Variants in CADM2 observed in about 807,000 individuals in gnomAD.
CADM2 encodes immunoglobulin superfamily member 4D.
CADM2 carries 12 observed loss-of-function variants against 49.8 expected under a neutral mutation model. The ratio of observed to expected loss-of-function variants is 0.24; its 90% CI spans 0.15 to 0.39. The LOEUF (loss-of-function observed/expected upper bound fraction) is 0.39, where lower values mean the gene tolerates loss of function less well. Ranked by LOEUF, CADM2 falls within the 10% of genes least tolerant of loss-of-function variation. The pLI is 1.00. For missense variants in CADM2, 378 were observed against 492.3 expected, an observed-to-expected ratio of 0.77 and a Z score of 2.20; for synonymous variants, 214 against 175.4, an observed-to-expected ratio of 1.22 and a Z score of -1.74.
At chr3:84,993,034 C>G (rs2107184464) in intron 1 of CADM2, among the ~76,000 whole-genome samples, 1 of 152,168 alleles carries the variant, frequency 6.6e-6, no homozygotes, top group South Asian at 2.1e-4. Flanking sequence ...AATTCTCTTA[C>G]TACTCACTTA....
intron 1 of CADM2, among the ~76,000 whole-genome samples, chr3:85,280,497 G>C (rs1025554014): frequency 6.6e-6 from 1 of 151,496 alleles, no homozygotes; most frequent in Non-Finnish European, 1.5e-5. Context: ...TCTAAATTTT[G>C]ACAATTTGAC....
intron 5 of CADM2, among the ~76,000 whole-genome samples, chr3:85,888,751 A>G (rs2108409267): frequency 6.6e-6 from 1 of 152,290 alleles, no homozygotes. Context: ...GGTAAAGACT[A>G]CGGCACAAAG....
intron 2 of CADM2, among the ~76,000 whole-genome samples, chr3:85,762,471 T>G (rs1280622679): frequency 1.3e-5 from 2 of 151,982 alleles, no homozygotes; most frequent in African/African-American, 4.8e-5. Context: ...ATTCTTAATG[T>G]TCCATTTCAA....
At chr3:85,223,548 T>C (rs959908332) in intron 1 of CADM2, among the ~76,000 whole-genome samples, 6 of 152,204 alleles carry the variant, frequency 3.9e-5, no homozygotes, top group South Asian at 2.1e-4. Flanking sequence ...TAATGTAAAC[T>C]ATGTGTGTAT....
At chr3:85,617,550 T>A (rs1482457788) in intron 1 of CADM2, among the ~76,000 whole-genome samples, 2 of 152,166 alleles carry the variant, frequency 1.3e-5, no homozygotes, top group African/African-American at 4.8e-5. Context: ...TGGATTTTTA[T>A]GGAAGCTTCA....
intron 1 of CADM2, among the ~76,000 whole-genome samples, chr3:85,672,383 G>A (rs1021534507): frequency 2.6e-5 from 4 of 151,706 alleles, no homozygotes; most frequent in Admixed American, 1.3e-4. Context: ...TAGTAGAGAC[G>A]GGGTTTCACC....
intron 1 of CADM2, among the ~76,000 whole-genome samples, chr3:85,606,794 C>T (rs1301060481): frequency 6.6e-6 from 1 of 151,026 alleles, no homozygotes; most frequent in Non-Finnish European, 1.5e-5. Context: ...AATATCCTGG[C>T]TTTTTTTTTC....
intron 1 of CADM2, among the ~76,000 whole-genome samples, chr3:85,078,766 G>A (rs1380673666): frequency 6.6e-6 from 1 of 151,404 alleles, no homozygotes; most frequent in African/African-American, 2.4e-5. Context: ...GCATGTTCAA[G>A]TATATGCAGG....
intron 1 of CADM2, among the ~76,000 whole-genome samples, chr3:85,337,615 C>G (rs372275961): frequency 6.6e-5 from 10 of 151,328 alleles, no homozygotes; most frequent in African/African-American, 2.4e-4. Flanking sequence ...GAATCAAGCT[C>G]TCATTCTAAA....
At chr3:85,754,054 C>T (rs1577231673) in intron 2 of CADM2, among the ~76,000 whole-genome samples, 1 of 152,166 alleles carries the variant, frequency 6.6e-6, no homozygotes, top group East Asian at 1.9e-4. Context: ...CCTGCCAGCC[C>T]TTGGGAGGGG....
At chr3:85,154,149 G>C (rs1300850154) in intron 1 of CADM2, among the ~76,000 whole-genome samples, 1 of 152,098 alleles carries the variant, frequency 6.6e-6, no homozygotes, top group Non-Finnish European at 1.5e-5. Flanking sequence ...CCGAGCTACG[G>C]GAGGACATTC....
At chr3:86,005,320 G>A (rs535774307) in intron 8 of CADM2, among the ~76,000 whole-genome samples, 5 of 152,206 alleles carry the variant, frequency 3.3e-5, no homozygotes, top group Non-Finnish European at 7.4e-5. Flanking sequence ...GGGAGGCCTC[G>A]GCAGGTGGAT....
chr3:85,933,615 G>A (rs569494011), intron 6 of CADM2, among the ~76,000 whole-genome samples: 87 of 152,216 alleles, frequency 5.7e-4, no homozygotes, highest in Non-Finnish European at 9.0e-4. Context: ...ATGTGATTAT[G>A]GAGGTGAAAT....
intron 3 of CADM2, among the ~76,000 whole-genome samples, chr3:85,855,941 C>G (rs963603934): frequency 6.6e-6 from 1 of 152,048 alleles, no homozygotes; most frequent in Non-Finnish European, 1.5e-5. Context: ...ATATTTTAAT[C>G]TTAACTAATT....
chr3:85,538,600 G>A (rs2061474271), intron 1 of CADM2, among the ~76,000 whole-genome samples: 1 of 152,110 alleles, frequency 6.6e-6, no homozygotes, highest in Non-Finnish European at 1.5e-5. Context: ...TAAAAGCCAT[G>A]GTTGGAGGTC....
At chr3:85,044,205 A>G (rs145431582) in intron 1 of CADM2, among the ~76,000 whole-genome samples, 138 of 152,264 alleles carry the variant, frequency 9.1e-4, no homozygotes, top group African/African-American at 3.2e-3. Context: ...AAATTTGTGC[A>G]TTCCATATGG....
chr3:85,979,305 T>G, intron 8 of CADM2: 1 of 1,607,224 alleles, frequency 6.2e-7, no homozygotes, highest in Non-Finnish European at 8.5e-7. Flanking sequence ...TTCTTTGTTA[T>G]AGCCTGGAAA....
intron 1 of CADM2, among the ~76,000 whole-genome samples, chr3:85,590,927 A>ATTT (rs144075169): frequency 0.5 from 74,610 of 148,560 alleles, 21,408 homozygotes; most frequent in East Asian, 0.83. Flanking sequence ...TTGGAAACTC[A>ATTT]TTTTTTTTTT....
chr3:85,984,496 GTTTA>G (rs774243690), intron 8 of CADM2, among the ~76,000 whole-genome samples: 8 of 151,650 alleles, frequency 5.3e-5, no homozygotes, highest in Admixed American at 1.3e-4. Flanking sequence ...AAGTGGTTAT[GTTTA>G]TTTATCATAA....
Sources: gnomAD v4.1 joint callset for allele counts (sites outside exome capture counted in the v4.1 genomes callset) on GRCh38, gnomAD v4.1.1 for gene constraint, MANE v1.5 for transcripts, NCBI Gene and HGNC (gene_info 2026-07-23, HGNC 2026-07-21) for gene names.